The following RBFOX1 variants were observed in gnomAD, a reference collection of about 807,000 sequenced individuals.
RBFOX1 encodes RNA binding protein fox-1 homolog 1.
Under a neutral mutation model 57.7 loss-of-function variants are expected in RBFOX1, and 8 were observed. The ratio of observed to expected loss-of-function variants is 0.14; its 90% CI spans 0.08 to 0.25. The LOEUF (loss-of-function observed/expected upper bound fraction) is 0.25, where lower values mean the gene tolerates loss of function less well. Ranked by LOEUF, RBFOX1 falls within the 10% of genes least tolerant of loss-of-function variation. The pLI is 1.00. For missense variants in RBFOX1, 611 were observed against 548.5 expected (o/e 1.11, Z -1.14); for synonymous variants, 326 against 222.4 (o/e 1.47, Z -4.15).
At chr16:7,484,794 A>T (rs2064960273) in intron 4 of RBFOX1, among the ~76,000 whole-genome samples, 1 of 152,122 alleles carries the variant, frequency 6.6e-6, no homozygotes, top group Non-Finnish European at 1.5e-5. Flanking sequence ...CAGCTCCCAG[A>T]TGTTTATATT....
intron 3 of RBFOX1, among the ~76,000 whole-genome samples, chr16:6,864,071 A>G (rs887296448): frequency 6.6e-6 from 1 of 151,064 alleles, no homozygotes; most frequent in African/African-American, 2.4e-5. Context: ...TCTTCAGACT[A>G]CAGGGAGAGT....
At chr16:6,391,426 C>G (rs898593123) in intron 2 of RBFOX1, among the ~76,000 whole-genome samples, 4 of 151,080 alleles carry the variant, frequency 2.6e-5, no homozygotes, top group Non-Finnish European at 5.9e-5. Context: ...AGGAGAATGA[C>G]GTGAACCCGG....
intron 1 of RBFOX1, among the ~76,000 whole-genome samples, chr16:6,024,141 G>A (rs2095139561): frequency 6.6e-6 from 1 of 152,196 alleles, no homozygotes; most frequent in African/African-American, 2.4e-5. Flanking sequence ...AGAGACATGG[G>A]TGACTGTGGC....
At chr16:6,702,358 A>G (rs965689060) in intron 3 of RBFOX1, among the ~76,000 whole-genome samples, 1 of 152,232 alleles carries the variant, frequency 6.6e-6, no homozygotes, top group African/African-American at 2.4e-5. Context: ...GTTCAAGACC[A>G]GACTGGCCAA....
At chr16:7,335,321 A>ATATG (rs2144670698) in intron 4 of RBFOX1, among the ~76,000 whole-genome samples, 1 of 152,300 alleles carries the variant, frequency 6.6e-6, no homozygotes, top group African/African-American at 2.4e-5. Flanking sequence ...CACCACCTAA[A>ATATG]TATGTCATTG....
intron 2 of RBFOX1, chr16:6,483,851 T>A (rs945154795): frequency 2.5e-6 from 3 of 1,199,740 alleles, no homozygotes; most frequent in African/African-American, 1.6e-5. Flanking sequence ...GTGGATGGAA[T>A]CCGGGAAACC....
At chr16:6,704,198 G>A (rs2062322604) in intron 3 of RBFOX1, 1 of 152,214 alleles carries the variant, frequency 6.6e-6, no homozygotes, top group African/African-American at 2.4e-5. Context: ...AATGGGTCAT[G>A]CAGGAGTTAA....
At chr16:5,800,494 C>A (rs1236281330) in intron 3 of RBFOX1, among the ~76,000 whole-genome samples, 1 of 152,074 alleles carries the variant, frequency 6.6e-6, no homozygotes, top group East Asian at 1.9e-4. Flanking sequence ...TAGACGGAGA[C>A]TCCTCTGCTG....
intron 3 of RBFOX1, among the ~76,000 whole-genome samples, chr16:6,911,161 C>T (rs962356593): frequency 1.3e-5 from 2 of 149,738 alleles, no homozygotes; most frequent in Non-Finnish European, 2.9e-5. Flanking sequence ...ATAATCGCAC[C>T]ATTGCACTCC....
chr16:5,242,887 G>A lies in RBFOX1; in HGVS notation c.219+2782G>A, dbSNP rs1425821200. Among the ~76,000 whole-genome samples, 3 of 151,860 alleles carry A rather than the reference G, an allele frequency of 2.0e-5. No individual in the cohort carries two copies. In the East Asian group the frequency reaches 5.8e-4, roughly 29 times the overall value. On this transcript the variant is annotated intron_variant, in intron 1 of 2. Transcript: ENST00000585867. ...GGGTGGCAAGGGGTTGCTTTATTTGGTGGTGGCTAGAGGATGTTTTAGCAG... is the reference window on the plus strand; with the variant it reads ...GGGTGGCAAGGGGTTGCTTTATTTGATGGTGGCTAGAGGATGTTTTAGCAG...
chr16:6,657,584 A>G (rs1295470014), intron 3 of RBFOX1, among the ~76,000 whole-genome samples: 1 of 152,098 alleles, frequency 6.6e-6, no homozygotes, highest in Non-Finnish European at 1.5e-5. Context: ...AGGAAATTTC[A>G]CCACTGGAGT....
intron 2 of RBFOX1, among the ~76,000 whole-genome samples, chr16:6,562,880 C>CTTTTTTTTTTT (rs71145250): frequency 1.9e-5 from 1 of 51,778 alleles, no homozygotes; most frequent in Non-Finnish European, 3.9e-5. Context: ...TTCTTTCTTT[C>CTTTTTTTTTTT]TTTTTTTTTT....
intron 1 of RBFOX1, chr16:5,289,352 G>T: frequency 2.5e-6 from 1 of 405,900 alleles, no homozygotes; most frequent in East Asian, 5.3e-5. Context: ...CCAGGAGGAG[G>T]AGGAGGGCCC....
chr16:5,511,536 C>A (rs2043593188), intron 2 of RBFOX1, among the ~76,000 whole-genome samples: 1 of 152,132 alleles, frequency 6.6e-6, no homozygotes, highest in Non-Finnish European at 1.5e-5. Flanking sequence ...CTGTTACTTC[C>A]CTCCTTCCCC....
chr16:6,863,040 C>A (rs1006211721), intron 3 of RBFOX1, among the ~76,000 whole-genome samples: 3 of 151,540 alleles, frequency 2.0e-5, no homozygotes, highest in African/African-American at 7.3e-5. Flanking sequence ...TTGCAGAGTC[C>A]TTCTAAGGTG....
intron 9 of RBFOX1, among the ~76,000 whole-genome samples, chr16:7,604,873 C>CG (rs1481996461): frequency 6.6e-6 from 1 of 152,046 alleles, no homozygotes; most frequent in Admixed American, 6.5e-5. Flanking sequence ...AGAAACAAGA[C>CG]CTGAGATGCA....
intron 1 of RBFOX1, among the ~76,000 whole-genome samples, chr16:6,195,581 TG>T (rs1205199567): frequency 6.6e-6 from 1 of 151,892 alleles, no homozygotes; most frequent in Non-Finnish European, 1.5e-5. Context: ...TAGCCAGGCG[TG>T]GTGGCACGTG....
chr16:5,504,014 T>G (rs1478340960), intron 2 of RBFOX1, among the ~76,000 whole-genome samples: 1 of 152,122 alleles, frequency 6.6e-6, no homozygotes, highest in African/African-American at 2.4e-5. Flanking sequence ...TGGCTTACCC[T>G]TTGTCTCTGG....
intron 1 of RBFOX1, among the ~76,000 whole-genome samples, chr16:5,275,510 CA>C (rs1157960307): frequency 6.6e-6 from 1 of 152,084 alleles, no homozygotes; most frequent in Non-Finnish European, 1.5e-5. Context: ...AGGAAAACTA[CA>C]AAACACTGCT....
Sources: allele counts gnomAD v4.1 joint callset (sites outside exome capture counted in the v4.1 genomes callset), GRCh38; gene constraint gnomAD v4.1.1; transcripts MANE v1.5; gene names NCBI Gene and HGNC (gene_info 2026-07-23, HGNC 2026-07-21).